The following SMARCAL1 variants were observed in gnomAD, a reference collection of about 807,000 sequenced individuals.
SMARCAL1 encodes the protein SNF2 related chromatin remodeling annealing helicase 1, also known as ATP-driven annealing helicase.
Under a neutral mutation model 94.5 loss-of-function variants are expected in SMARCAL1, and 58 were observed. That is an observed-to-expected ratio of 0.61 (90% CI 0.50 to 0.76). SMARCAL1 has a LOEUF of 0.76. Among genes scored for constraint, SMARCAL1 ranks in the 30% least tolerant of loss-of-function variants. The pLI is 0.00. For missense variants in SMARCAL1, 1,051 were observed against 1,177.9 expected (o/e 0.89, Z 1.58); for synonymous variants, 422 against 455.1 (o/e 0.93, Z 0.93).
intron 14 of SMARCAL1, among the ~76,000 whole-genome samples, chr2:216,470,985 G>C (rs1490837926): frequency 6.6e-6 from 1 of 152,088 alleles, no homozygotes; most frequent in Non-Finnish European, 1.5e-5. Flanking sequence ...CAGCCATGCT[G>C]GCCCCAGAGA....
At chr2:216,467,688 A>G (rs1295601744) in intron 13 of SMARCAL1, among the ~76,000 whole-genome samples, 1 of 152,142 alleles carries the variant, frequency 6.6e-6, no homozygotes, top group Non-Finnish European at 1.5e-5. Context: ...AGTATTATGT[A>G]TGTCTCAATA....
chr2:216,445,893 T>C (rs1694304045), intron 10 of SMARCAL1, among the ~76,000 whole-genome samples: 1 of 152,244 alleles, frequency 6.6e-6, no homozygotes, highest in Admixed American at 6.5e-5. Context: ...TATTTATTTA[T>C]TTTTATGAGG....
intron 10 of SMARCAL1, among the ~76,000 whole-genome samples, chr2:216,442,153 T>C (rs994880209): frequency 5.9e-5 from 9 of 152,256 alleles, no homozygotes; most frequent in African/African-American, 2.2e-4. Flanking sequence ...CAGTGGCTCA[T>C]GCCTGTAATC....
chr2:216,426,552 G>A (rs1177309360), intron 6 of SMARCAL1, among the ~76,000 whole-genome samples: 5 of 152,162 alleles, frequency 3.3e-5, no homozygotes, highest in African/African-American at 7.2e-5. Flanking sequence ...AGTGTCTCAC[G>A]GAAGATAAGA....
chr2:216,432,273 C>T (rs1216554454), intron 7 of SMARCAL1, among the ~76,000 whole-genome samples: 1 of 152,122 alleles, frequency 6.6e-6, no homozygotes, highest in East Asian at 1.9e-4. Flanking sequence ...GGATTACAGG[C>T]ATGAGCCACC....
chr2:216,445,176 T>G (rs1694281850), intron 10 of SMARCAL1, among the ~76,000 whole-genome samples: 1 of 152,196 alleles, frequency 6.6e-6, no homozygotes, highest in Admixed American at 6.6e-5. Context: ...TTTTCAGAAG[T>G]GGAGGGTGAC....
chr2:216,435,319 T>A lies in SMARCAL1; in HGVS notation c.1486-19T>A. 1 of 1,613,914 alleles carries A rather than the reference T, an allele frequency of 6.2e-7. No individual in the cohort carries two copies. Among genetic ancestry groups the A allele is most frequent in the African/African-American group, 1.3e-5 (1 of 75,024 alleles). On this transcript the variant is annotated intron_variant, in intron 8 of 17. Coordinates refer to ENST00000357276, the MANE Select transcript of SMARCAL1 (RefSeq NM_014140.4). ...TGCTGGGTGGTCATTGTAGCTTTGT[T>A]CCCTCCTGTCATCCACAGGCCTTCC... is the stretch of plus-strand genomic sequence containing the variant.
At chr2:216,453,677 GC>G (rs1694496997) in intron 12 of SMARCAL1, among the ~76,000 whole-genome samples, 1 of 152,142 alleles carries the variant, frequency 6.6e-6, no homozygotes, top group African/African-American at 2.4e-5. Context: ...GAATAAGGAG[GC>G]CCTGTGGATC....
At chr2:216,463,749 G>A (rs1435133010) in intron 12 of SMARCAL1, among the ~76,000 whole-genome samples, 1 of 152,102 alleles carries the variant, frequency 6.6e-6, no homozygotes, top group Admixed American at 6.6e-5. Context: ...GTTTTAAAAT[G>A]ATACTAAAAT....
Position 216,482,887 on chromosome 2 carries a change from C to G in SMARCAL1, c.2775C>G (p.Thr925=), listed in dbSNP as rs1322304292. ...SGSSSQNMGD[T]LDESSLTASP... Reference sequence around the variant, plus strand: ...GTAGTTCCCAGAACATGGGAGACACCCTGGATGAAAGCTCATTGACAGCCA... The same window carrying G: ...GTAGTTCCCAGAACATGGGAGACACGCTGGATGAAAGCTCATTGACAGCCA... Residue 925 remains threonine (T), a synonymous_variant, in exon 18 of 18, where the codon ACC becomes ACG. Coordinates refer to ENST00000357276, the MANE Select transcript of SMARCAL1 (RefSeq NM_014140.4). The surrounding 1 kb of genome is among the most constrained non-coding windows in gnomAD (Gnocchi z 4.3). The G allele has an allele frequency of 3.7e-6, 6 of 1,613,986 alleles. No individual in the cohort carries two copies. In the South Asian group the frequency reaches 5.5e-5, roughly 15 times the overall value.
chr2:216,470,372 C>T (rs58475116), intron 14 of SMARCAL1, among the ~76,000 whole-genome samples: 3 of 152,032 alleles, frequency 2.0e-5, no homozygotes, highest in Non-Finnish European at 4.4e-5. Context: ...CCAGGTTAGT[C>T]TCAAACTCTA....
intron 5 of SMARCAL1, among the ~76,000 whole-genome samples, chr2:216,421,490 G>A (rs1693720009): frequency 6.6e-6 from 1 of 152,076 alleles, no homozygotes; most frequent in Admixed American, 6.5e-5. Context: ...TAGAAGTAAG[G>A]TTTCATCATG....
chr2:216,433,922 C>CAA (rs756621464), intron 8 of SMARCAL1, among the ~76,000 whole-genome samples: 2 of 125,288 alleles, frequency 1.6e-5, no homozygotes, highest in Non-Finnish European at 1.7e-5. Flanking sequence ...GAAGAGATGG[C>CAA]AAAAAAAAAA....
chr2:216,474,468 A>T (rs1574483507), intron 14 of SMARCAL1, among the ~76,000 whole-genome samples: 1 of 148,460 alleles, frequency 6.7e-6, no homozygotes. Flanking sequence ...AAAAAAAAAA[A>T]AATTGGCCAG....
chr2:216,467,335 G>A (rs949641288), intron 13 of SMARCAL1, among the ~76,000 whole-genome samples: 7 of 152,062 alleles, frequency 4.6e-5, no homozygotes, highest in African/African-American at 1.7e-4. Flanking sequence ...GCTGGGCGTT[G>A]TGGTACACAC....
intron 12 of SMARCAL1, chr2:216,451,311 C>G (rs949287263): frequency 2.0e-5 from 10 of 508,114 alleles, no homozygotes; most frequent in African/African-American, 1.7e-4. Context: ...TAAAGATAAG[C>G]ACAGGCAACA....
In SMARCAL1 at chr2:216,420,372, C is replaced by G. The variant is rs771409283; in HGVS notation, c.936C>G (p.Pro312=). 5 of 1,614,220 alleles carry G rather than the reference C, an allele frequency of 3.1e-6. No homozygotes were observed. The highest frequency in any genetic ancestry group is 3.4e-6 in the Non-Finnish European group (4 of 1,180,046). ...LEWAYGSSES[P]STSSEGQAGL... ...GGGCCTATGGCAGCAGCGAGTCACCCTCCACCAGCAGTGAGGGACAGGCCG... is the reference window on the plus strand; with the variant it reads ...GGGCCTATGGCAGCAGCGAGTCACCGTCCACCAGCAGTGAGGGACAGGCCG... Residue 312 remains proline, a synonymous_variant, in exon 5 of 18, where the codon CCC becomes CCG. Coordinates refer to ENST00000357276, the MANE Select transcript of SMARCAL1 (RefSeq NM_014140.4).
chr2:216,442,744 CATA>C, intron 10 of SMARCAL1, among the ~76,000 whole-genome samples: 1 of 152,316 alleles, frequency 6.6e-6, no homozygotes, highest in African/African-American at 2.4e-5. Context: ...ATAAATTTAT[CATA>C]ATATGTATTA....
At chr2:216,449,101 C>T (rs1694385589) in intron 11 of SMARCAL1, among the ~76,000 whole-genome samples, 1 of 152,184 alleles carries the variant, frequency 6.6e-6, no homozygotes, top group South Asian at 2.1e-4. Context: ...TGGCAGAAGG[C>T]ATCATATGGA....
Sources: allele counts gnomAD v4.1 joint callset (sites outside exome capture counted in the v4.1 genomes callset), GRCh38; gene constraint gnomAD v4.1.1; non-coding constraint Gnocchi (gnomAD v3.1); transcripts MANE v1.5; gene names NCBI Gene and HGNC (gene_info 2026-07-23, HGNC 2026-07-21).